The following PTCH1 variants were observed in gnomAD, a reference collection of about 807,000 sequenced individuals.
PTCH1 encodes the protein protein patched homolog 1.
In PTCH1, 14 loss-of-function variants were observed where a neutral mutation model predicts 144.6. The ratio of observed to expected loss-of-function variants is 0.10; its 90% confidence interval spans 0.06 to 0.15. The LOEUF is 0.15. PTCH1 is among the 10% of genes least tolerant of loss of function. The pLI, the probability that PTCH1 is intolerant of heterozygous loss-of-function variation, is 1.00. For missense variants in PTCH1, 1,623 were observed against 1,948.3 expected, an observed-to-expected ratio of 0.83 and a Z score of 3.14; for synonymous variants, 833 against 793.6, an observed-to-expected ratio of 1.05 and a Z score of -0.83.
chr9:95,453,450 A>G, intron 20 of PTCH1, 28 bp downstream of exon 20: 3 of 1,613,426 alleles, frequency 1.9e-6, no homozygotes, highest in Non-Finnish European at 2.5e-6. Flanking sequence ...GATTTCTAAA[A>G]CATGTCTCCT....
chr9:95,466,313 CT>C (rs544954261), intron 15 of PTCH1, among the ~76,000 whole-genome samples: 2 of 152,180 alleles, frequency 1.3e-5, no homozygotes, highest in Non-Finnish European at 2.9e-5. Flanking sequence ...TCCCAAAGTG[CT>C]GGGATTACAG....
exon 1 of PTCH1, chr9:95,516,509 A>T: frequency 6.5e-7 from 1 of 1,537,850 alleles, no homozygotes; most frequent in Non-Finnish European, 8.7e-7. Flanking sequence ...GCGGGTGCCG[A>T]TGGCGCGGAC....
intron 1 of PTCH1, chr9:95,514,638 G>GTA (rs1844286879): frequency 7.2e-6 from 1 of 138,562 alleles, no homozygotes; most frequent in African/African-American, 2.8e-5. Context: ...GTGTGTGTGT[G>GTA]TGTGTGTGTG....
At chr9:95,488,108 A>G (rs535057055) in intron 2 of PTCH1, among the ~76,000 whole-genome samples, 1 of 152,346 alleles carries the variant, frequency 6.6e-6, no homozygotes, top group East Asian at 1.9e-4. Context: ...CAACCTCATA[A>G]TGGAGCAGTT....
rs1450443486 is a variant in PTCH1, at chr9:95,449,349, A to G, written c.3550-26T>C. The stretch of plus-strand genomic sequence containing the variant: ...CTATTTAAGGGGATTCCATGTTAAA[A>G]GTGTTCTTGTCCATTTACCTGCTGG... On this transcript the variant is annotated intron_variant, in intron 21 of 23. Coordinates refer to ENST00000331920, the MANE Select transcript of PTCH1 (RefSeq NM_000264.5). This position sits in a 1 kb window ranked among gnomAD's most constrained non-coding sequence, Gnocchi z 5.3. The G allele has an allele frequency of 6.5e-7, 1 of 1,540,580 alleles. No individual in the cohort carries two copies. Among genetic ancestry groups the G allele is most frequent in the Non-Finnish European group, 8.7e-7 (1 of 1,147,254 alleles).
Position 95,449,750 on chromosome 9 carries a change from G to C in PTCH1, c.3549+91C>G. 2.6e-6 allele frequency: 3 copies of C among 1,173,684 alleles called. No homozygotes were observed. Among genetic ancestry groups the C allele is most frequent in the South Asian group, 1.3e-5 (1 of 78,714 alleles). 72.7% of individuals were successfully genotyped at this position (1,173,684 alleles called of 1,614,324 possible). ...TTTACTGAAGAACCACCAGCAAGTG[G>C]GGAGGCACCTAAGTATCGAAGTGAA... is the stretch of plus-strand genomic sequence containing the variant. On this transcript the variant is annotated intron_variant, in intron 21 of 23. Coordinates refer to ENST00000331920, the MANE Select transcript of PTCH1 (RefSeq NM_000264.5). The surrounding 1 kb of genome is among the most constrained non-coding windows in gnomAD (Gnocchi z 5.3).
intron 2 of PTCH1, among the ~76,000 whole-genome samples, chr9:95,498,248 T>G (rs1564078196): frequency 6.6e-6 from 1 of 152,206 alleles, no homozygotes; most frequent in Non-Finnish European, 1.5e-5. Flanking sequence ...GTATGGGGAC[T>G]TGCTTCTCAC....
intron 15 of PTCH1, among the ~76,000 whole-genome samples, chr9:95,466,550 G>T (rs2117924028): frequency 6.6e-6 from 1 of 152,218 alleles, no homozygotes; most frequent in Non-Finnish European, 1.5e-5. Flanking sequence ...CAGTCGAGGG[G>T]GCTGTGTGTG....
intron 1 of PTCH1, chr9:95,516,331 CCCT>C: frequency 1.9e-6 from 1 of 534,014 alleles, no homozygotes; most frequent in South Asian, 7.8e-5. Context: ...CGCGGCCCGC[CCCT>C]CCTGCCCGGC....
chr9:95,448,924 T>G (rs1012583507), intron 22 of PTCH1, 145 bp downstream of exon 22: 4 of 1,155,014 alleles, frequency 3.5e-6, no homozygotes, highest in Non-Finnish European at 4.9e-6. Flanking sequence ...GGTTATTTCC[T>G]ATGATTTGAC....
At chr9:95,461,069 A>G (rs1196915745) in intron 16 of PTCH1, among the ~76,000 whole-genome samples, 1 of 152,200 alleles carries the variant, frequency 6.6e-6, no homozygotes, top group Non-Finnish European at 1.5e-5. Context: ...CAAGCAAGCT[A>G]CAAAGAGCCA....
At chr9:95,461,832 C>T (rs2136686091) in intron 16 of PTCH1, 24 bp downstream of exon 16, 4 of 1,613,922 alleles carry the variant, frequency 2.5e-6, no homozygotes, top group Non-Finnish European at 3.4e-6. Flanking sequence ...TGGAAGCGCC[C>T]TCAGTGCCCA....
In PTCH1 at chr9:95,476,598, A is replaced by C. The variant is rs1413298383; in HGVS notation, c.1602+161T>G. Among the ~76,000 whole-genome samples, 1 of 152,136 alleles carries C rather than the reference A, an allele frequency of 6.6e-6. No homozygotes were observed. Among genetic ancestry groups the C allele is most frequent in the Non-Finnish European group, 1.5e-5 (1 of 68,022 alleles). ...TCTCATAGCAAATACATGTCCTGAG[A>C]GTCTTCCAGCTTATTTCATTGACTG... On this transcript the variant is annotated intron_variant, in intron 11 of 23. Coordinates refer to ENST00000331920, the MANE Select transcript of PTCH1 (RefSeq NM_000264.5). This position sits in a 1 kb window ranked among gnomAD's most constrained non-coding sequence, Gnocchi z 4.6.
chr9:95,461,234 C>A (rs1208279901), intron 16 of PTCH1, among the ~76,000 whole-genome samples: 1 of 151,970 alleles, frequency 6.6e-6, no homozygotes, highest in African/African-American at 2.4e-5. Context: ...AATATGATTC[C>A]CAAACAGAAA....
chr9:95,471,639 T>C (rs1316915671), intron 12 of PTCH1, among the ~76,000 whole-genome samples: 1 of 152,188 alleles, frequency 6.6e-6, no homozygotes, highest in Non-Finnish European at 1.5e-5. Flanking sequence ...TCTCGAATGA[T>C]GGATGGCGTC....
Position 95,481,595 on chromosome 9 carries a change from A to G in PTCH1, c.746+354T>C, listed in dbSNP as rs561941448. 1.5e-3 allele frequency among the ~76,000 whole-genome samples: 234 copies of G among 152,348 alleles called. 1 individual carries two copies. The highest frequency in any genetic ancestry group is 3.1e-3 in the Admixed American group (47 of 15,302). On this transcript the variant is annotated intron_variant, in intron 5 of 23. Coordinates refer to ENST00000331920, the MANE Select transcript of PTCH1 (RefSeq NM_000264.5). Reference sequence around the variant, plus strand: ...TTCTGATGTGAACCCACTCACTAATAAAGTCTCTCCTTAAAAAATAAGTGT... The same window carrying G: ...TTCTGATGTGAACCCACTCACTAATGAAGTCTCTCCTTAAAAAATAAGTGT...
At chr9:95,503,788 G>A (rs937492697) in intron 2 of PTCH1, among the ~76,000 whole-genome samples, 1 of 57,930 alleles carries the variant, frequency 1.7e-5, no homozygotes, top group Admixed American at 1.1e-4. Context: ...AGGCCGAGGC[G>A]GGTGGATCAT....
intron 7 of PTCH1, among the ~76,000 whole-genome samples, chr9:95,479,409 T>C (rs1841356318): frequency 6.6e-6 from 1 of 152,194 alleles, no homozygotes; most frequent in African/African-American, 2.4e-5. Flanking sequence ...ACAGTTTCCA[T>C]TCCATGAAAC....
intron 20 of PTCH1, 76 bp from the exon 21 acceptor site, chr9:95,450,016 C>A: frequency 7.5e-7 from 1 of 1,330,012 alleles, no homozygotes; most frequent in South Asian, 1.2e-5. Flanking sequence ...CCCGACACAG[C>A]AGCATGGCAA....
Sources: allele counts gnomAD v4.1 joint callset (sites outside exome capture counted in the v4.1 genomes callset), GRCh38; gene constraint gnomAD v4.1.1; non-coding constraint Gnocchi (gnomAD v3.1); transcripts MANE v1.5; gene names NCBI Gene and HGNC (gene_info 2026-07-23, HGNC 2026-07-21).